The following TMEM63B variants were observed in gnomAD, a reference collection of about 807,000 sequenced individuals.
The protein encoded by TMEM63B is transmembrane protein 63B.
TMEM63B carries 23 observed loss-of-function variants against 102.6 expected under a neutral mutation model. The observed-to-expected ratio is 0.22, with a 90% CI of 0.16 to 0.32. The LOEUF (loss-of-function observed/expected upper bound fraction) is 0.32. TMEM63B is among the 10% of genes least tolerant of loss of function. The pLI, the probability that TMEM63B is intolerant of heterozygous loss-of-function variation, is 1.00. For missense variants in TMEM63B, 628 were observed against 1,095.9 expected (o/e 0.57, Z 6.03); for synonymous variants, 444 against 437.0 (o/e 1.02, Z -0.20).
At position 44,135,712 on chromosome 6, in the gene TMEM63B, T is replaced by A. The variant is rs778774023; in HGVS notation, c.278+346T>A. Among the ~76,000 whole-genome samples, 21 of 152,334 alleles carry A rather than the reference T, an allele frequency of 1.4e-4. 1 individual carries two copies. The highest frequency in any genetic ancestry group is 5.9e-4 in the Admixed American group (9 of 15,308). ...GACAAGATTGGGTGTCACCAGCAGC[T>A]TCTTGTCCGCTAACAGCTAGTTCTT... On this transcript the variant is annotated intron_variant, in intron 4 of 23. Transcript: ENST00000323267.
At position 44,152,036 on chromosome 6, in the gene TMEM63B, C is replaced by G; in HGVS notation, c.1836+28C>G. ...ACGGCCGCCTGGGGCAGCAGCGGCC[C>G]GCACAGCGCCCCCTGGTGGCCCAAC... On this transcript the variant is annotated intron_variant, in intron 19 of 23. Coordinates refer to ENST00000323267, the MANE Select transcript of TMEM63B (RefSeq NM_018426.3). The surrounding 1 kb of genome is among the most constrained non-coding windows in gnomAD (Gnocchi z 6.4). 1 of 1,567,540 alleles carries G rather than the reference C, an allele frequency of 6.4e-7. No individual in the cohort carries two copies. The highest frequency in any genetic ancestry group is 8.6e-7 in the Non-Finnish European group (1 of 1,160,056).
rs1023723773 is a variant in TMEM63B at position 44,148,165 on chromosome 6, G to A, written c.988-87G>A. 6.4e-7 allele frequency: 1 copy of A among 1,558,766 alleles called. No individual in the cohort carries two copies. Among genetic ancestry groups the A allele is most frequent in the African/African-American group, 1.4e-5 (1 of 72,480 alleles). On this transcript the variant is annotated intron_variant, in intron 12 of 23. Coordinates refer to ENST00000323267, the MANE Select transcript of TMEM63B (RefSeq NM_018426.3). This position sits in a 1 kb window ranked among gnomAD's most constrained non-coding sequence, Gnocchi z 5.1. ...TTAGAGGAGCAGTGCCTGGCTTGTA[G>A]GAAGCCCCAAGTCAGCGTGGGCTGG...
chr6:44,150,079 T>C lies in TMEM63B; in HGVS notation c.1520+114T>C. ...TGGCCCTGGGCAGTCCCACAGCTGGTAGGGAAGGGGTAGTGCCCAGCACCC... is the reference window on the plus strand; with the variant it reads ...TGGCCCTGGGCAGTCCCACAGCTGGCAGGGAAGGGGTAGTGCCCAGCACCC... On this transcript the variant is annotated intron_variant, in intron 16 of 23. Transcript: ENST00000323267. The surrounding 1 kb of genome is among the most constrained non-coding windows in gnomAD (Gnocchi z 4.7). 1 of 1,327,258 alleles carries C rather than the reference T, an allele frequency of 7.5e-7. No individual in the cohort carries two copies. Among genetic ancestry groups the C allele is most frequent in the Non-Finnish European group, 1.1e-6 (1 of 948,472 alleles). 82.2% of individuals were successfully genotyped at this position (1,327,258 alleles called of 1,614,324 possible).
intron 10 of TMEM63B, among the ~76,000 whole-genome samples, chr6:44,142,291 T>C (rs529851559): frequency 1.5e-4 from 22 of 147,894 alleles, no homozygotes; most frequent in Admixed American, 8.8e-4. Flanking sequence ...AAAAAAATCA[T>C]TGAGGGCCGG....
rs142888357 is a variant in TMEM63B at position 44,148,591 on chromosome 6, G to A, written c.1200G>A (p.Glu400=). 2 of 1,614,222 alleles carry A rather than the reference G, an allele frequency of 1.2e-6. No homozygotes were observed. Among genetic ancestry groups the A allele is most frequent in the Non-Finnish European group, 1.7e-6 (2 of 1,180,034 alleles). The change falls in exon 14 of 24, where the codon GAG becomes GAA. Residue 400 remains glutamate, a synonymous_variant. Coordinates refer to ENST00000323267, the MANE Select transcript of TMEM63B (RefSeq NM_018426.3). This position sits in a 1 kb window ranked among gnomAD's most constrained non-coding sequence, Gnocchi z 5.1. ...RGEPRPSSCS[E]SLHISNWTVS... ...AGCCACGCCCCTCATCCTGCAGCGAGTCCCTGCACATCTCCAACTGGACCG... is the reference window on the plus strand; with the variant it reads ...AGCCACGCCCCTCATCCTGCAGCGAATCCCTGCACATCTCCAACTGGACCG...
intron 1 of TMEM63B, among the ~76,000 whole-genome samples, chr6:44,130,281 ACT>A (rs1331912447): frequency 1.3e-5 from 2 of 151,880 alleles, no homozygotes; most frequent in Non-Finnish European, 2.9e-5. Flanking sequence ...CAGCTCATAT[ACT>A]CTCTCTGTAT....
At position 44,152,850 on chromosome 6, in the gene TMEM63B, G is replaced by A. The variant is rs1767056108; in HGVS notation, c.1942+152G>A. ...CCCGCCCGGTCCCTGGCTCAGTCTG[G>A]GGCCTGGCCTGTGGGGAGGAGGGGG... On this transcript the variant is annotated intron_variant, in intron 20 of 23. Transcript: ENST00000323267. The surrounding 1 kb of genome is among the most constrained non-coding windows in gnomAD (Gnocchi z 6.4). 3 of 662,328 alleles carry A rather than the reference G, an allele frequency of 4.5e-6. No individual in the cohort carries two copies. In the African/African-American group the frequency reaches 5.5e-5, roughly 12 times the overall value. The allele number at this position is 662,328 out of a possible 1,614,324, so 41.0% of individuals were successfully genotyped here.
Position 44,152,713 on chromosome 6 carries a change from G to T in TMEM63B, c.1942+15G>T, listed in dbSNP as rs1000962459. On this transcript the variant is annotated intron_variant, in intron 20 of 23. Transcript: ENST00000323267. The surrounding 1 kb of genome is among the most constrained non-coding windows in gnomAD (Gnocchi z 6.4). ...CGTGCCCTTCGGTAGGCACCGCCGC[G>T]CCGGGACCTGGGCCCTGCTCGGGGG... The T allele has an allele frequency of 3.8e-6, 6 of 1,596,956 alleles. No homozygotes were observed. Among genetic ancestry groups the T allele is most frequent in the South Asian group, 2.2e-5 (2 of 90,878 alleles).
rs1766336052 is a variant in TMEM63B at position 44,150,343 on chromosome 6, T to C, written c.1607+33T>C. 1 of 1,596,166 alleles carries C rather than the reference T, an allele frequency of 6.3e-7. No homozygotes were observed. The highest frequency in any genetic ancestry group is 8.6e-7 in the Non-Finnish European group (1 of 1,164,100). On this transcript the variant is annotated intron_variant, in intron 17 of 23. Coordinates refer to ENST00000323267, the MANE Select transcript of TMEM63B (RefSeq NM_018426.3). The surrounding 1 kb of genome is among the most constrained non-coding windows in gnomAD (Gnocchi z 4.7). ...GAGAAGGATGGGGCAGGAGCCAGGG[T>C]AGGGGGACAGCAGGATAGGGAGAGG...
chr6:44,141,627 C>G (rs1764281540), intron 10 of TMEM63B, among the ~76,000 whole-genome samples: 4 of 152,258 alleles, frequency 2.6e-5, no homozygotes, highest in Admixed American at 2.6e-4. Flanking sequence ...GGGAACTTAC[C>G]TGGTCACCCC....
At chr6:44,151,132 T>C (rs1766515829) in intron 18 of TMEM63B, among the ~76,000 whole-genome samples, 1 of 151,780 alleles carries the variant, frequency 6.6e-6, no homozygotes, top group African/African-American at 2.4e-5. Context: ...GGGGTGTCTG[T>C]GGGCGGGGAG....
At position 44,154,755 on chromosome 6, in the gene TMEM63B, A is replaced by G. The variant is rs769152686; in HGVS notation, c.2371A>G (p.Ser791Gly). The change falls in exon 24 of 24, where the codon AGC (serine) becomes GGC (glycine). Residue 791 changes from serine (S) to glycine (G), a missense_variant. This residue lies in a region of TMEM63B where 129 missense variants were observed against 153.5 expected (regional missense o/e 0.84). Transcript: ENST00000323267. ...VDGDGDGAPG[S>G]SGDEPPSSSS... The stretch of plus-strand genomic sequence containing the variant: ...CGGGGATGGGGATGGGGCTCCTGGG[A>G]GCTCAGGGGATGAGCCCCCATCATC... 4 of 1,603,090 alleles carry G rather than the reference A, an allele frequency of 2.5e-6. No individual in the cohort carries two copies. In the South Asian group the frequency reaches 3.3e-5, roughly 13 times the overall value.
chr6:44,152,034 C>T lies in TMEM63B; in HGVS notation c.1836+26C>T, dbSNP rs1292319253. 4 of 1,572,452 alleles carry T rather than the reference C, an allele frequency of 2.5e-6. No individual in the cohort carries two copies. Among genetic ancestry groups the T allele is most frequent in the African/African-American group, 2.7e-5 (2 of 73,128 alleles). ...GTACGGCCGCCTGGGGCAGCAGCGG[C>T]CCGCACAGCGCCCCCTGGTGGCCCA... On this transcript the variant is annotated intron_variant, in intron 19 of 23. Transcript: ENST00000323267. This position sits in a 1 kb window ranked among gnomAD's most constrained non-coding sequence, Gnocchi z 6.4.
Position 44,150,057 on chromosome 6 carries a change from C to T in TMEM63B, c.1520+92C>T. On this transcript the variant is annotated intron_variant, in intron 16 of 23. Coordinates refer to ENST00000323267, the MANE Select transcript of TMEM63B (RefSeq NM_018426.3). This position sits in a 1 kb window ranked among gnomAD's most constrained non-coding sequence, Gnocchi z 4.7. The stretch of plus-strand genomic sequence containing the variant: ...AGCACTTTGCCCTTCAGGCTCCTGG[C>T]CCTGGGCAGTCCCACAGCTGGTAGG... 4 of 1,413,872 alleles carry T rather than the reference C, an allele frequency of 2.8e-6. No individual in the cohort carries two copies. The highest frequency in any genetic ancestry group is 3.9e-5 in the Admixed American group (2 of 51,126). The allele number at this position is 1,413,872 out of a possible 1,614,324, so 87.6% of individuals were successfully genotyped here.
chr6:44,134,486 C>T, intron 1 of TMEM63B, 75 bp from the exon 2 acceptor site: 4 of 1,486,808 alleles, frequency 2.7e-6, no homozygotes, highest in East Asian at 2.4e-5. Context: ...CTCACTGCCC[C>T]CTCCCCACGC....
chr6:44,151,417 G>A (rs1766586212), intron 18 of TMEM63B, among the ~76,000 whole-genome samples: 1 of 152,008 alleles, frequency 6.6e-6, no homozygotes. Context: ...TTGCGGGAAG[G>A]GTCTCAAAGC....
At chr6:44,130,607 A>C (rs1778077232) in intron 1 of TMEM63B, among the ~76,000 whole-genome samples, 1 of 150,662 alleles carries the variant, frequency 6.6e-6, no homozygotes, top group Admixed American at 6.6e-5. Flanking sequence ...GCCCAGCTAA[A>C]TTTTGGTGGT....
Position 44,155,312 on chromosome 6 carries a change from G to A in TMEM63B, c.*429G>A, listed in dbSNP as rs1197709381. On this transcript the variant is annotated 3_prime_UTR_variant, in exon 24 of 24. Coordinates refer to ENST00000323267, the MANE Select transcript of TMEM63B (RefSeq NM_018426.3). The stretch of plus-strand genomic sequence containing the variant: ...GTTCCTCCTGGGATCTGGCCCTCCA[G>A]GGAAGTGGAGCCTCCAGCCCCTAGG... The A allele has an allele frequency of 3.3e-5, 5 of 152,902 alleles. No homozygotes were observed. Among genetic ancestry groups the A allele is most frequent in the Non-Finnish European group, 5.8e-5 (4 of 68,730 alleles). The allele number at this position is 152,902 out of a possible 1,614,324, so 9.5% of individuals were successfully genotyped here.
At position 44,150,218 on chromosome 6, in the gene TMEM63B, C is replaced by T. The variant is rs1363687736; in HGVS notation, c.1521-6C>T. 3 of 1,613,396 alleles carry T rather than the reference C, an allele frequency of 1.9e-6. No homozygotes were observed. The highest frequency in any genetic ancestry group is 2.5e-6 in the Non-Finnish European group (3 of 1,179,644). On this transcript the variant is annotated splice_polypyrimidine_tract_variant and splice_region_variant and intron_variant, in intron 16 of 23. Coordinates refer to ENST00000323267, the MANE Select transcript of TMEM63B (RefSeq NM_018426.3). This position sits in a 1 kb window ranked among gnomAD's most constrained non-coding sequence, Gnocchi z 4.7. ...CCTGTACCGTTCCCTGCTCCCCTCC[C>T]TCCAGCTCTGGGGAGAACAGGACAA...
Sources: allele counts gnomAD v4.1 joint callset (sites outside exome capture counted in the v4.1 genomes callset), GRCh38; gene constraint gnomAD v4.1.1; regional missense constraint gnomAD v4.1.1; non-coding constraint Gnocchi (gnomAD v3.1); transcripts MANE v1.5; gene names NCBI Gene and HGNC (gene_info 2026-07-23, HGNC 2026-07-21).